The following LIMS2 variants were observed in gnomAD, a reference collection of about 807,000 sequenced individuals.
LIMS2 encodes the protein LIM zinc finger domain containing 2.
A neutral mutation model predicts 45.3 loss-of-function variants in LIMS2; 30 were observed. The ratio of observed to expected loss-of-function variants is 0.66; its 90% CI spans 0.50 to 0.90. The LOEUF (loss-of-function observed/expected upper bound fraction) is 0.90. LIMS2 is among the 40% of genes least tolerant of loss of function. The pLI, the probability that LIMS2 is intolerant of heterozygous loss-of-function variation, is 0.00. For missense variants in LIMS2, 485 were observed against 468.7 expected (o/e 1.03, Z -0.32); for synonymous variants, 173 against 188.0 (o/e 0.92, Z 0.65).
chr2:127,657,071 C>T (rs745808319), intron 2 of LIMS2, among the ~76,000 whole-genome samples: 2 of 152,236 alleles, frequency 1.3e-5, no homozygotes, highest in Non-Finnish European at 2.9e-5. Flanking sequence ...TCAGCACCAG[C>T]TGGTGGGCCA....
At chr2:127,669,729 A>T (rs115683955) in intron 1 of LIMS2, among the ~76,000 whole-genome samples, 19,869 of 151,968 alleles carry the variant, frequency 0.13, 1,436 homozygotes, top group South Asian at 0.24. Context: ...AAAAAAAAAA[A>T]TTTGCAAATC....
intron 6 of LIMS2, chr2:127,641,446 C>A (rs1309665520): frequency 2.2e-5 from 4 of 180,978 alleles, no homozygotes; most frequent in African/African-American, 4.7e-5. Context: ...ACCTTGCATT[C>A]CCCCAGGGAT....
chr2:127,650,694 A>G (rs1683657524), intron 4 of LIMS2: 2 of 1,554,870 alleles, frequency 1.3e-6, no homozygotes, highest in South Asian at 2.3e-5. Context: ...CTCATTGTGA[A>G]CTGTTTGCTT....
In LIMS2 at chr2:127,642,231, C is replaced by A; in HGVS notation, c.510-32G>T. ...GACAGCGTGCAGCCCCCAGGTGCCA[C>A]CCCTGCCCTTCTGCAGGGTCATGCC... On this transcript the variant is annotated intron_variant, in intron 5 of 9. Transcript: ENST00000355119. This position sits in a 1 kb window ranked among gnomAD's most constrained non-coding sequence, Gnocchi z 5.3. 1.3e-6 allele frequency: 2 copies of A among 1,484,422 alleles called. No homozygotes were observed. Among genetic ancestry groups the A allele is most frequent in the Middle Eastern group, 4.1e-4 (2 of 4,864 alleles). 92.0% of individuals were successfully genotyped at this position (1,484,422 alleles called of 1,614,324 possible).
At chr2:127,673,745 T>C in intron 1 of LIMS2, 5 of 1,551,190 alleles carry the variant, frequency 3.2e-6, no homozygotes, top group Non-Finnish European at 4.4e-6. Flanking sequence ...TTTCTTTTCC[T>C]AGAAAACAGG....
upstream of LIMS2, among the ~76,000 whole-genome samples, chr2:127,676,236 G>A (rs1350581559): frequency 6.6e-6 from 1 of 152,188 alleles, no homozygotes; most frequent in Non-Finnish European, 1.5e-5. Flanking sequence ...GGTCTTGGCA[G>A]CAGAGAAAGA....
chr2:127,639,874 G>A (rs1394209381), intron 9 of LIMS2, among the ~76,000 whole-genome samples, 196 bp downstream of exon 9: 1 of 146,048 alleles, frequency 6.8e-6, no homozygotes. Flanking sequence ...CTGTGCCTGG[G>A]GTCCCTGGGG....
chr2:127,673,584 G>A lies in LIMS2; in HGVS notation c.11+1430C>T, dbSNP rs572392931. Reference sequence around the variant, plus strand: ...AGAGGACCCTTGCCAGGGAGCAGTGGCACCTCGGGGCCTCCCATTCCAGCC... The same window carrying A: ...AGAGGACCCTTGCCAGGGAGCAGTGACACCTCGGGGCCTCCCATTCCAGCC... On this transcript the variant is annotated intron_variant, in intron 1 of 9. Transcript: ENST00000355119. 38 of 1,271,550 alleles carry A rather than the reference G, an allele frequency of 3.0e-5. No homozygotes were observed. The East Asian group carries it at 7.7e-4, about 26-fold the overall frequency. The allele number at this position is 1,271,550 out of a possible 1,614,324, so 78.8% of individuals were successfully genotyped here. A position where few individuals can be genotyped will look rare whatever the true frequency, so the allele number is the denominator to read the frequency against.
In LIMS2 at chr2:127,668,668, C is replaced by CAAAAAAAAAAA; in HGVS notation, c.11+6335_11+6345dup. 3.2e-3 allele frequency among the ~76,000 whole-genome samples: 55 copies of CAAAAAAAAAAA among 17,258 alleles called. 4 individuals are homozygous for CAAAAAAAAAAA. Among genetic ancestry groups the CAAAAAAAAAAA allele is most frequent in the East Asian group, 4.8e-3 (2 of 420 alleles). The allele number at this position is 17,258 out of a possible 152,430, so 11.3% of individuals were successfully genotyped here. ...TGGGTGACAGAGTGAGACTCCGTCT[C>CAAAAAAAAAAA]AAAAAAAAAAAAAAAAAAAAAAAAA... On this transcript the variant is annotated intron_variant, in intron 1 of 9. Coordinates refer to ENST00000355119, the MANE Select transcript of LIMS2 (RefSeq NM_001161403.3).
Position 127,650,321 on chromosome 2 carries a change from C to T in LIMS2, c.359+4103G>A. On this transcript the variant is annotated intron_variant, in intron 4 of 9. Transcript: ENST00000355119. The stretch of plus-strand genomic sequence containing the variant: ...CCGGAGACACACTGCCCCCGCCCCT[C>T]ACCACCCCTGTCACTCAGACAGCAC... The T allele has an allele frequency of 3.5e-6, 2 of 564,154 alleles. 1 individual carries two copies. 34.9% of individuals were successfully genotyped at this position (564,154 alleles called of 1,614,324 possible).
intron 2 of LIMS2, chr2:127,655,144 C>G (rs1573812391): frequency 1.7e-6 from 1 of 589,836 alleles, no homozygotes; most frequent in African/African-American, 1.9e-5. Context: ...TGTCAAAGGG[C>G]CACTGGTGTC....
rs1424498300 is a variant in LIMS2 at position 127,651,288 on chromosome 2, T to C, written c.359+3136A>G. On this transcript the variant is annotated intron_variant, in intron 4 of 9. Transcript: ENST00000355119. ...CCACACGGTGGTCTGCCTGCAGCTG[T>C]ACCGGGAGAAGGCCTCCCACCATGC... The C allele has an allele frequency of 4.4e-6, 7 of 1,607,734 alleles. No homozygotes were observed. In the Admixed American group the frequency reaches 8.3e-5, roughly 19 times the overall value.
At chr2:127,650,924 G>T in intron 4 of LIMS2, 1 of 1,614,030 alleles carries the variant, frequency 6.2e-7, no homozygotes, top group Non-Finnish European at 8.5e-7. Context: ...ACAAGTCCGG[G>T]ACCCCGGCCA....
chr2:127,651,540 T>G, intron 4 of LIMS2: 1 of 1,612,646 alleles, frequency 6.2e-7, no homozygotes, highest in Non-Finnish European at 8.5e-7. Flanking sequence ...TGGGGCCTCC[T>G]GCGCCACCCA....
chr2:127,676,091 A>C (rs1219733743), upstream of LIMS2, among the ~76,000 whole-genome samples: 1 of 150,578 alleles, frequency 6.6e-6, no homozygotes, highest in Non-Finnish European at 1.5e-5. Flanking sequence ...CAAACAAAAC[A>C]AAAAACCCCC....
chr2:127,680,600 G>C (rs1212701089), intron 1 of LIMS2, among the ~76,000 whole-genome samples: 1 of 152,154 alleles, frequency 6.6e-6, no homozygotes, highest in Non-Finnish European at 1.5e-5. Flanking sequence ...GCGGAATGTC[G>C]ATCCACAATT....
Position 127,664,165 on chromosome 2 carries a change from G to A in LIMS2, c.12-6603C>T, listed in dbSNP as rs1573836991. 5 of 573,786 alleles carry A rather than the reference G, an allele frequency of 8.7e-6. No homozygotes were observed. In the East Asian group the frequency reaches 1.8e-4, roughly 20 times the overall value. 35.5% of individuals were successfully genotyped at this position (573,786 alleles called of 1,614,324 possible). A position where few individuals can be genotyped will look rare whatever the true frequency, so the allele number is the denominator to read the frequency against. ...TAAAGTCGCACGCGCCCACCCTGTC[G>A]CCAACCCAGGGCCCATCCGACGCCG... On this transcript the variant is annotated intron_variant, in intron 1 of 9. Coordinates refer to ENST00000355119, the MANE Select transcript of LIMS2 (RefSeq NM_001161403.3). The surrounding 1 kb of genome is among the most constrained non-coding windows in gnomAD (Gnocchi z 5.5).
At chr2:127,641,306 C>T in intron 6 of LIMS2, 1 of 276,944 alleles carries the variant, frequency 3.6e-6, no homozygotes, top group Non-Finnish European at 7.1e-6. Context: ...CCCTCGGCAG[C>T]CTCAGCCCCA....
At chr2:127,650,209 T>C in intron 4 of LIMS2, 3 of 756,572 alleles carry the variant, frequency 4.0e-6, no homozygotes, top group Non-Finnish European at 6.6e-6. Context: ...CCACTGCACC[T>C]GTGGGCAGGT....
Sources: gnomAD v4.1 joint callset for allele counts (sites outside exome capture counted in the v4.1 genomes callset) on GRCh38, gnomAD v4.1.1 for gene constraint, Gnocchi (gnomAD v3.1) non-coding constraint, MANE v1.5 for transcripts, NCBI Gene and HGNC (gene_info 2026-07-23, HGNC 2026-07-21) for gene names.